FGF14: variants seen among roughly 807,000 people sequenced by gnomAD.
The protein encoded by FGF14 is fibroblast growth factor homologous factor 4.
FGF14 carries 5 observed loss-of-function variants against 25.5 expected under a neutral mutation model. That is an observed-to-expected ratio of 0.20 (90% CI 0.10 to 0.41). The LOEUF is 0.41. Among genes scored for constraint, FGF14 ranks in the 10% least tolerant of loss-of-function variants. The pLI is 1.00. For missense variants in FGF14, 222 were observed against 320.1 expected (o/e 0.69, Z 2.34); for synonymous variants, 138 against 118.3 (o/e 1.17, Z -1.08).
At chr13:102,204,654 C>A (rs546127482) in intron 1 of FGF14, among the ~76,000 whole-genome samples, 72 of 152,208 alleles carry the variant, frequency 4.7e-4, no homozygotes, top group African/African-American at 1.7e-3. Context: ...TCAAGCAATT[C>A]TCCTGCCTCA....
rs867564046 is a variant in FGF14, at chr13:101,799,576, G to A, written c.408+69149C>T. On this transcript the variant is annotated intron_variant, in intron 3 of 4. Coordinates refer to ENST00000376143, the MANE Select transcript of FGF14 (RefSeq NM_004115.4). The stretch of plus-strand genomic sequence containing the variant: ...GCAATGACAGAAACAGTGAGCAGCC[G>A]ATCATTTGGGGGAAATTGATAAATA... 3.3e-5 allele frequency among the ~76,000 whole-genome samples: 5 copies of A among 152,074 alleles called. No homozygotes were observed. In the South Asian group the frequency reaches 6.2e-4, roughly 19 times the overall value.
intron 1 of FGF14, among the ~76,000 whole-genome samples, chr13:101,931,299 T>C (rs1053314072): frequency 3.9e-5 from 6 of 152,150 alleles, no homozygotes; most frequent in Non-Finnish European, 8.8e-5. Flanking sequence ...CCTTCCATTC[T>C]CCCTCACGCT....
At chr13:101,846,311 T>TAA (rs370340297) in intron 3 of FGF14, among the ~76,000 whole-genome samples, 1 of 150,038 alleles carries the variant, frequency 6.7e-6, no homozygotes, top group African/African-American at 2.4e-5. Context: ...CATCTTTTTT[T>TAA]AAAAAAAAAA....
chr13:101,907,233 C>G (rs1325626227), intron 1 of FGF14, among the ~76,000 whole-genome samples: 2 of 152,026 alleles, frequency 1.3e-5, no homozygotes, highest in East Asian at 3.9e-4. Flanking sequence ...AAGGAAACAC[C>G]AAGCATTGCC....
intron 1 of FGF14, among the ~76,000 whole-genome samples, chr13:102,284,584 G>T (rs2054003481): frequency 1.3e-5 from 2 of 151,918 alleles, no homozygotes; most frequent in African/African-American, 4.8e-5. Flanking sequence ...AAAATTTTAA[G>T]AAATTTACAA....
chr13:101,829,603 G>A (rs946615568), intron 3 of FGF14, among the ~76,000 whole-genome samples: 3 of 151,702 alleles, frequency 2.0e-5, no homozygotes, highest in Admixed American at 6.6e-5. Context: ...TTCCAGCATC[G>A]TCATCATAAA....
intron 3 of FGF14, among the ~76,000 whole-genome samples, chr13:101,739,272 A>G (rs2036392106): frequency 6.6e-6 from 1 of 152,020 alleles, no homozygotes; most frequent in African/African-American, 2.4e-5. Context: ...TATTCAGTAA[A>G]TATTTAGTGA....
intron 1 of FGF14, among the ~76,000 whole-genome samples, chr13:102,325,060 G>A (rs1300168310): frequency 6.6e-6 from 1 of 151,878 alleles, no homozygotes; most frequent in Non-Finnish European, 1.5e-5. Flanking sequence ...AAGAGGAAAA[G>A]ATCCTTGCAA....
chr13:101,812,611 CTATA>C (rs35878751), intron 3 of FGF14, among the ~76,000 whole-genome samples: 213 of 12,332 alleles, frequency 0.017, 3 homozygotes, highest in African/African-American at 0.021. Flanking sequence ...ATTTTTAAAA[CTATA>C]TATATATATA....
chr13:101,790,372 G>A (rs559662719), intron 3 of FGF14, among the ~76,000 whole-genome samples: 93 of 150,898 alleles, frequency 6.2e-4, no homozygotes, highest in African/African-American at 2.2e-3. Flanking sequence ...AGAGAACTAG[G>A]ATTGGGGTAG....
chr13:101,919,420 GATGT>G (rs1182400817), upstream of FGF14, among the ~76,000 whole-genome samples: 3 of 151,678 alleles, frequency 2.0e-5, no homozygotes, highest in African/African-American at 7.3e-5. Context: ...TAAGCCTTTT[GATGT>G]ATGTGCCAAC....
chr13:102,377,121 A>T (rs1270320580), intron 1 of FGF14, among the ~76,000 whole-genome samples: 1 of 152,110 alleles, frequency 6.6e-6, no homozygotes, highest in Non-Finnish European at 1.5e-5. Context: ...GAAGTGAATG[A>T]CAGAGCACAA....
chr13:102,104,165 T>C (rs1226172302), intron 1 of FGF14, among the ~76,000 whole-genome samples: 1 of 152,192 alleles, frequency 6.6e-6, no homozygotes, highest in Admixed American at 6.5e-5. Context: ...GCACCAGTAC[T>C]GTCATTATAC....
intron 1 of FGF14, among the ~76,000 whole-genome samples, chr13:101,976,803 C>T (rs2037955466): frequency 6.6e-6 from 1 of 152,158 alleles, no homozygotes. Context: ...AGCATTATTT[C>T]ATATGAAAGC....
At chr13:102,115,752 G>A (rs997107437) in intron 1 of FGF14, among the ~76,000 whole-genome samples, 1 of 152,192 alleles carries the variant, frequency 6.6e-6, no homozygotes, top group African/African-American at 2.4e-5. Context: ...TTGGTGACAA[G>A]ATCACTTGTA....
At position 101,784,158 on chromosome 13, in the gene FGF14, G is replaced by A. The variant is rs76790796; in HGVS notation, c.409-57348C>T. Among the ~76,000 whole-genome samples, 229 of 152,226 alleles carry A rather than the reference G, an allele frequency of 1.5e-3. 1 individual carries two copies. Among genetic ancestry groups the A allele is most frequent in the African/African-American group, 5.3e-3 (222 of 41,548 alleles). The stretch of plus-strand genomic sequence containing the variant: ...CCTCTAACTTATCCTGTACATTAGT[G>A]CCAAATTGATATTCCTTAAAGTTCT... On this transcript the variant is annotated intron_variant, in intron 3 of 4. Transcript: ENST00000376143.
intron 1 of FGF14, among the ~76,000 whole-genome samples, chr13:101,957,608 A>G (rs2036590428): frequency 6.6e-6 from 1 of 152,200 alleles, no homozygotes; most frequent in East Asian, 1.9e-4. Context: ...AGTGACTCAT[A>G]TGCATATTAG....
At chr13:102,297,804 G>A (rs2141300325) in intron 1 of FGF14, among the ~76,000 whole-genome samples, 1 of 151,916 alleles carries the variant, frequency 6.6e-6, no homozygotes, top group East Asian at 1.9e-4. Context: ...GCTGAGGTGG[G>A]AGGATGGCTT....
intron 1 of FGF14, among the ~76,000 whole-genome samples, chr13:102,033,643 C>T (rs1415335870): frequency 6.6e-6 from 1 of 152,128 alleles, no homozygotes; most frequent in Non-Finnish European, 1.5e-5. Context: ...ATCTGAGCTA[C>T]CCATGCTGAA....
Sources: gnomAD v4.1 joint callset for allele counts (sites outside exome capture counted in the v4.1 genomes callset) on GRCh38, gnomAD v4.1.1 for gene constraint, MANE v1.5 for transcripts, NCBI Gene and HGNC (gene_info 2026-07-23, HGNC 2026-07-21) for gene names.